The following MAP3K20 variants were observed in gnomAD, a reference collection of about 807,000 sequenced individuals.
MAP3K20 encodes mitogen-activated protein kinase kinase kinase 20.
Under a neutral mutation model 85.7 loss-of-function variants are expected in MAP3K20, and 40 were observed. That is an observed-to-expected ratio of 0.47 (90% CI 0.36 to 0.61). The LOEUF is 0.61. MAP3K20 is among the 20% of genes least tolerant of loss of function. The pLI, the probability that MAP3K20 is intolerant of heterozygous loss-of-function variation, is 0.00. For synonymous variants in MAP3K20, 325 were observed against 327.7 expected (o/e 0.99, Z 0.09); for missense variants, 817 against 961.7 (o/e 0.85, Z 1.99).
chr2:173,186,170 C>A (rs1488711853), intron 4 of MAP3K20, among the ~76,000 whole-genome samples: 1 of 152,038 alleles, frequency 6.6e-6, no homozygotes, highest in Non-Finnish European at 1.5e-5. Flanking sequence ...GTATTTGAGT[C>A]TTGTTTTTTG....
intron 1 of MAP3K20, among the ~76,000 whole-genome samples, chr2:173,080,044 TAA>T (rs1370999613): frequency 6.6e-6 from 1 of 152,224 alleles, no homozygotes; most frequent in Non-Finnish European, 1.5e-5. Context: ...GGCAGCATAA[TAA>T]GTTTGTTTAC....
intron 16 of MAP3K20, among the ~76,000 whole-genome samples, chr2:173,249,952 A>C (rs1449431306): frequency 6.6e-6 from 1 of 152,150 alleles, no homozygotes; most frequent in African/African-American, 2.4e-5. Context: ...CTCAAATAAC[A>C]ACCCCCCAAA....
intron 11 of MAP3K20, chr2:173,223,499 T>C: frequency 1.0e-6 from 1 of 985,412 alleles, no homozygotes; most frequent in Non-Finnish European, 1.2e-6. Context: ...TCAGTAACCT[T>C]CTGGAAAGCT....
chr2:173,200,722 G>A (rs1691027047), intron 8 of MAP3K20, among the ~76,000 whole-genome samples: 1 of 152,126 alleles, frequency 6.6e-6, no homozygotes, highest in South Asian at 2.1e-4. Context: ...CTTGAGTCCG[G>A]GAGGTCAAGG....
At chr2:173,226,279 T>C in intron 11 of MAP3K20, 1 of 985,398 alleles carries the variant, frequency 1.0e-6, no homozygotes, top group Non-Finnish European at 1.2e-6. Context: ...ATTGGAATGG[T>C]AAGAGTTTTA....
At chr2:173,164,780 A>G (rs931707024) in intron 2 of MAP3K20, among the ~76,000 whole-genome samples, 3 of 152,226 alleles carry the variant, frequency 2.0e-5, no homozygotes, top group Admixed American at 2.0e-4. Flanking sequence ...AACTTCTTTT[A>G]ATATCTCTGA....
chr2:173,223,426 G>T, intron 11 of MAP3K20: 2 of 980,188 alleles, frequency 2.0e-6, no homozygotes, highest in Non-Finnish European at 1.2e-6. Flanking sequence ...CCAGGCCCAC[G>T]GAAAGTGGCT....
At chr2:173,143,571 C>A (rs1445875966) in intron 2 of MAP3K20, among the ~76,000 whole-genome samples, 6 of 152,144 alleles carry the variant, frequency 3.9e-5, no homozygotes, top group African/African-American at 1.4e-4. Context: ...CATTTTAACT[C>A]AACGGGGAAA....
chr2:173,123,099 T>C (rs1688342449), intron 2 of MAP3K20, among the ~76,000 whole-genome samples: 1 of 152,214 alleles, frequency 6.6e-6, no homozygotes, highest in African/African-American at 2.4e-5. Flanking sequence ...TACATTCCTA[T>C]CTCCTTAAAC....
At chr2:173,203,594 T>C (rs1311093676) in intron 8 of MAP3K20, among the ~76,000 whole-genome samples, 1 of 152,200 alleles carries the variant, frequency 6.6e-6, no homozygotes, top group Non-Finnish European at 1.5e-5. Flanking sequence ...TACAGTTCCC[T>C]TTCAAGAAAA....
chr2:173,170,039 C>T (rs758078839), intron 3 of MAP3K20, 147 bp downstream of exon 3: 3 of 699,088 alleles, frequency 4.3e-6, no homozygotes, highest in African/African-American at 1.8e-5. Context: ...ATTAATAAAA[C>T]TGATTATATC....
chr2:173,202,786 G>C (rs1203144912), intron 8 of MAP3K20, among the ~76,000 whole-genome samples: 3 of 152,264 alleles, frequency 2.0e-5, no homozygotes, highest in Non-Finnish European at 1.5e-5. Flanking sequence ...TCCAGTACTG[G>C]GAGTAGCACT....
chr2:173,195,961 CCAG>C (rs921513048), intron 7 of MAP3K20, among the ~76,000 whole-genome samples: 8 of 152,112 alleles, frequency 5.3e-5, no homozygotes, highest in Non-Finnish European at 1.2e-4. Context: ...TGGACATTTT[CCAG>C]CAGAATATTT....
Position 173,110,195 on chromosome 2 carries a change from TTATACATATATATATATATATATATA to T in MAP3K20, c.159+19010_159+19035del, listed in dbSNP as rs1327116633. 7.8e-3 allele frequency among the ~76,000 whole-genome samples: 563 copies of T among 72,406 alleles called. 14 individuals are homozygous for T. Among genetic ancestry groups the T allele is most frequent in the African/African-American group, 0.03 (548 of 18,554 alleles). The allele number at this position is 72,406 out of a possible 152,430, so 47.5% of individuals were successfully genotyped here. On this transcript the variant is annotated intron_variant, in intron 2 of 19. Transcript: ENST00000375213. ...AATAATAAAATATATATAATATATG[TTATACATATATATATATATATATATA>T]TATATATATATATATATATATTTTT...
intron 2 of MAP3K20, among the ~76,000 whole-genome samples, chr2:173,152,135 A>G (rs1689326127): frequency 6.6e-6 from 1 of 152,094 alleles, no homozygotes; most frequent in Non-Finnish European, 1.5e-5. Context: ...TCACTGTTGG[A>G]CCACTACATC....
intron 2 of MAP3K20, among the ~76,000 whole-genome samples, chr2:173,121,360 T>C (rs1688281150): frequency 6.6e-6 from 1 of 152,148 alleles, no homozygotes; most frequent in African/African-American, 2.4e-5. Flanking sequence ...GATGAAGATA[T>C]TGTCGGAAAC....
At chr2:173,255,646 C>T (rs1009963714) in intron 16 of MAP3K20, among the ~76,000 whole-genome samples, 2 of 151,894 alleles carry the variant, frequency 1.3e-5, no homozygotes, top group African/African-American at 2.4e-5. Flanking sequence ...AGAGGAGGGT[C>T]TGATTTCTAG....
chr2:173,101,547 C>T (rs537378454), intron 2 of MAP3K20, among the ~76,000 whole-genome samples: 2 of 152,206 alleles, frequency 1.3e-5, no homozygotes, highest in Admixed American at 1.3e-4. Flanking sequence ...AATGTTACAG[C>T]CTGAGTAGCT....
Position 173,190,940 on chromosome 2 carries a change from T to C in MAP3K20, c.444+17T>C. ...GTATTGAAGGTAGGACTATTTCTTT[T>C]ACTTAAAAAAATTGTTAATTTCAGA... On this transcript the variant is annotated intron_variant, in intron 6 of 19. Transcript: ENST00000375213. 1 of 1,605,968 alleles carries C rather than the reference T, an allele frequency of 6.2e-7. No individual in the cohort carries two copies. The highest frequency in any genetic ancestry group is 8.5e-7 in the Non-Finnish European group (1 of 1,175,992).
Sources: gnomAD v4.1 joint callset for allele counts (sites outside exome capture counted in the v4.1 genomes callset) on GRCh38, gnomAD v4.1.1 for gene constraint, MANE v1.5 for transcripts, NCBI Gene and HGNC (gene_info 2026-07-23, HGNC 2026-07-21) for gene names.